The following ARSF variants were observed in gnomAD, a reference collection of about 807,000 sequenced individuals.
ARSF encodes arylsulfatase F.
Under a neutral mutation model 35.4 loss-of-function variants are expected in ARSF, and 33 were observed. The ratio of observed to expected loss-of-function variants is 0.93; its 90% CI spans 0.71 to 1.25. The LOEUF (loss-of-function observed/expected upper bound fraction) is 1.25. Among genes scored for constraint, ARSF ranks in the 50% most tolerant of loss-of-function variants. The pLI is 0.00. For synonymous variants in ARSF, 222 were observed against 193.1 expected (o/e 1.15, Z -1.24); for missense variants, 501 against 480.2 (o/e 1.04, Z -0.40).
chrX:3,077,508 A>G (rs1335850063), intron 4 of ARSF, among the ~76,000 whole-genome samples: 1 of 108,964 alleles, frequency 9.2e-6, no homozygotes, highest in Non-Finnish European at 1.9e-5. Context: ...ACATGGGGGC[A>G]TGCACCTGTA....
chrX:3,042,078 A>G (rs1387868315), intron 1 of ARSF, among the ~76,000 whole-genome samples: 2 of 112,441 alleles, frequency 1.8e-5, no homozygotes, highest in Non-Finnish European at 3.7e-5. Context: ...GCAACCCAGC[A>G]TGAAACACAA....
chrX:3,057,946 G>A (rs778032419), intron 1 of ARSF, among the ~76,000 whole-genome samples: 166 of 111,779 alleles, frequency 1.5e-3, no homozygotes, highest in Admixed American at 3.2e-3. Flanking sequence ...ACCTTACCCC[G>A]ACAACCACTC....
In ARSF at chrX:3,084,280, T is replaced by C. The variant is rs146448496; in HGVS notation, c.444T>C (p.Ser148=). 8.3e-5 allele frequency: 101 copies of C among 1,209,976 alleles called. No individual in the cohort carries two copies. In the African/African-American group the frequency reaches 1.3e-3, roughly 16 times the overall value. Residue 148 remains serine (S), a synonymous_variant, in exon 6 of 11, where the codon AGT becomes AGC. Coordinates refer to ENST00000381127, the MANE Select transcript of ARSF (RefSeq NM_001201539.2). ...WHQGLNCDSR[S]DQCHHPYNYG... is the part of the protein sequence containing the mutation. ...AAGGCTTGAACTGCGACTCCCGAAG[T>C]GACCAGTGCCACCATCCATATAATT...
chrX:3,049,337 T>C (rs1213916968), intron 1 of ARSF, among the ~76,000 whole-genome samples: 1 of 89,897 alleles, frequency 1.1e-5, no homozygotes, highest in Admixed American at 1.3e-4. Flanking sequence ...GTGACGGAGG[T>C]TGGGGGGTGG....
intron 2 of ARSF, among the ~76,000 whole-genome samples, chrX:3,068,835 G>C (rs1375867839): frequency 8.9e-6 from 1 of 112,109 alleles, no homozygotes; most frequent in Non-Finnish European, 1.9e-5. Context: ...CCACAGTCCT[G>C]AGCATGTAGC....
intron 5 of ARSF, among the ~76,000 whole-genome samples, chrX:3,082,593 T>G: frequency 9.0e-6 from 1 of 111,232 alleles, no homozygotes; most frequent in African/African-American, 3.3e-5. Context: ...TCTCTATCCA[T>G]TCACCCATCC....
rs184583037 is a variant in ARSF at position 3,108,168 on chromosome X, C to G, written c.1266-1960C>G. On this transcript the variant is annotated intron_variant, in intron 9 of 10. Transcript: ENST00000381127. ...CTCCTATTTCATTGATCCATTGAAA[C>G]CCTTATTTCAACACTACACTGTCTC... 1.9e-3 allele frequency among the ~76,000 whole-genome samples: 214 copies of G among 112,086 alleles called. 1 individual carries two copies. The highest frequency in any genetic ancestry group is 6.7e-3 in the African/African-American group (208 of 30,929).
intron 6 of ARSF, 35 bp downstream of exon 6, chrX:3,084,701 A>G (rs1188214249): frequency 1.8e-6 from 2 of 1,115,170 alleles, no homozygotes; most frequent in East Asian, 6.0e-5. Flanking sequence ...TGTAATAATG[A>G]TAATGATCTC....
intron 1 of ARSF, among the ~76,000 whole-genome samples, chrX:3,052,481 T>G (rs919481963): frequency 4.5e-5 from 5 of 111,629 alleles, no homozygotes; most frequent in African/African-American, 1.3e-4. Context: ...TCTTTTATAG[T>G]TTTTGAAATC....
upstream of ARSF, among the ~76,000 whole-genome samples, chrX:3,040,998 G>T (rs776730946): frequency 9.0e-6 from 1 of 111,502 alleles, no homozygotes; most frequent in East Asian, 2.8e-4. Context: ...GATGAGGAAA[G>T]GCGGAGAGAG....
At chrX:3,092,862 C>T (rs779337123) in intron 7 of ARSF, among the ~76,000 whole-genome samples, 1 of 112,325 alleles carries the variant, frequency 8.9e-6, no homozygotes, top group East Asian at 2.8e-4. Context: ...AGAGATATCA[C>T]CTTCCTGCCT....
intron 8 of ARSF, among the ~76,000 whole-genome samples, chrX:3,102,713 G>A (rs1208026509): frequency 9.0e-6 from 1 of 111,685 alleles, no homozygotes; most frequent in Non-Finnish European, 1.9e-5. Context: ...AAGAGATCGA[G>A]ACCATCTGGC....
rs2147483953 is a variant in ARSF, at chrX:3,061,852, G to A, written c.-28-6221G>A. Among the ~76,000 whole-genome samples, 3 of 111,322 alleles carry A rather than the reference G, an allele frequency of 2.7e-5. No homozygotes were observed. The South Asian group carries it at 1.2e-3, about 43-fold the overall frequency. ...ACTTAGACTTCCACACAATAATAAT[G>A]GGAGACTTTAACACCCCACTGTCAA... On this transcript the variant is annotated intron_variant, in intron 1 of 10. Transcript: ENST00000381127.
At chrX:3,092,468 G>A (rs1350893740) in intron 7 of ARSF, among the ~76,000 whole-genome samples, 1 of 111,937 alleles carries the variant, frequency 8.9e-6, no homozygotes, top group African/African-American at 3.2e-5. Context: ...ACCTGATGAT[G>A]TGTCATAGTG....
Position 3,110,252 on chromosome X carries a change from A to C in ARSF, c.1390A>C (p.Ser464Arg). The C allele has an allele frequency of 1.7e-6, 2 of 1,172,111 alleles. No individual in the cohort carries two copies. The highest frequency in any genetic ancestry group is 2.3e-6 in the Non-Finnish European group (2 of 873,521). The change falls in exon 10 of 11, where the codon AGT becomes CGT. Residue 464 changes from serine to arginine, a missense_variant and splice_region_variant. By Grantham distance (110) the Ser-to-Arg change is moderately radical. Transcript: ENST00000381127. ...HAVRWIPKDD[S>R]GSVWKAHYVT... The stretch of plus-strand genomic sequence containing the variant: ...CGTGCGGTGGATCCCCAAGGACGAC[A>C]GTGAGTGCTCAACCCGTTGCTTCCT...
intron 7 of ARSF, among the ~76,000 whole-genome samples, chrX:3,095,874 CTA>C (rs1465748487): frequency 9.2e-6 from 1 of 109,188 alleles, no homozygotes; most frequent in Non-Finnish European, 1.9e-5. Flanking sequence ...TATTACCTAA[CTA>C]TATATATGTA....
intron 1 of ARSF, among the ~76,000 whole-genome samples, chrX:3,042,910 A>G (rs1437955936): frequency 9.0e-6 from 1 of 111,056 alleles, no homozygotes; most frequent in Non-Finnish European, 1.9e-5. Context: ...TAATCCCAGC[A>G]CTTTGGGAGG....
chrX:3,095,408 ATAT>A (rs1418956888), intron 7 of ARSF, among the ~76,000 whole-genome samples: 7 of 108,193 alleles, frequency 6.5e-5, no homozygotes, highest in Admixed American at 1.0e-4. Context: ...ATACATCATT[ATAT>A]TATTATGTTC....
intron 5 of ARSF, among the ~76,000 whole-genome samples, chrX:3,081,968 G>T (rs2090205053): frequency 9.0e-6 from 1 of 111,551 alleles, no homozygotes; most frequent in African/African-American, 3.3e-5. Flanking sequence ...CCGTGGGGTT[G>T]CAGGACAGGA....
Sources: gnomAD v4.1 joint callset for allele counts (sites outside exome capture counted in the v4.1 genomes callset) on GRCh38, gnomAD v4.1.1 for gene constraint, MANE v1.5 for transcripts, NCBI Gene and HGNC (gene_info 2026-07-23, HGNC 2026-07-21) for gene names.